WDPCP: variants seen among roughly 807,000 people sequenced by gnomAD.
WDPCP encodes the protein WD repeat containing planar cell polarity effector.
In WDPCP, 71 loss-of-function variants were observed where a neutral mutation model predicts 93.1. That is an observed-to-expected ratio of 0.76 (90% CI 0.63 to 0.93). WDPCP has a LOEUF of 0.93. Ranked by LOEUF, WDPCP falls within the 40% of genes least tolerant of loss-of-function variation. WDPCP has a pLI of 0.00. For synonymous variants in WDPCP, 315 were observed against 315.0 expected (o/e 1.00, Z 0.00); for missense variants, 844 against 887.4 (o/e 0.95, Z 0.62).
chr2:63,254,012 A>C (rs1479127016), intron 14 of WDPCP, among the ~76,000 whole-genome samples: 1 of 152,224 alleles, frequency 6.6e-6, no homozygotes, highest in South Asian at 2.1e-4. Flanking sequence ...TGAATGAAGA[A>C]AATGTAGTAT....
At chr2:63,388,769 C>T (rs182231049) in intron 10 of WDPCP, among the ~76,000 whole-genome samples, 2,793 of 151,866 alleles carry the variant, frequency 0.018, 86 homozygotes, top group African/African-American at 0.064. Flanking sequence ...CTTCAATAGC[C>T]GATTCAATCA....
At chr2:63,724,489 T>A (rs1287936353) in intron 2 of WDPCP, among the ~76,000 whole-genome samples, 1 of 152,136 alleles carries the variant, frequency 6.6e-6, no homozygotes, top group African/African-American at 2.4e-5. Flanking sequence ...TTTAAAAAAA[T>A]CACAATTCCT....
chr2:63,280,858 C>G (rs897933414), intron 13 of WDPCP, among the ~76,000 whole-genome samples: 1 of 152,066 alleles, frequency 6.6e-6, no homozygotes, highest in Admixed American at 6.6e-5. Flanking sequence ...AATCTAAGAC[C>G]TGAAACTATA....
chr2:63,709,276 C>T (rs1669224014), intron 2 of WDPCP, among the ~76,000 whole-genome samples: 1 of 151,840 alleles, frequency 6.6e-6, no homozygotes, highest in South Asian at 2.1e-4. Context: ...GATCTTGCCC[C>T]TGCACTCTAG....
At chr2:63,578,028 C>A (rs771338546) in intron 1 of WDPCP, among the ~76,000 whole-genome samples, 10 of 152,094 alleles carry the variant, frequency 6.6e-5, no homozygotes, top group Non-Finnish European at 1.0e-4. Context: ...CACAGATGTT[C>A]ACAGAAATAC....
intron 2 of WDPCP, among the ~76,000 whole-genome samples, chr2:63,795,545 G>C (rs1670602429): frequency 6.7e-6 from 1 of 150,172 alleles, no homozygotes; most frequent in Non-Finnish European, 1.5e-5. Context: ...AAGAGAAAGA[G>C]AGAGGGGGGA....
chr2:63,330,274 C>A (rs147456747), intron 12 of WDPCP, among the ~76,000 whole-genome samples: 1 of 152,260 alleles, frequency 6.6e-6, no homozygotes, highest in South Asian at 2.1e-4. Flanking sequence ...TAGTAGGTAT[C>A]GTAACAGATG....
At chr2:63,808,207 G>A (rs12612596) in intron 2 of WDPCP, among the ~76,000 whole-genome samples, 1 of 152,014 alleles carries the variant, frequency 6.6e-6, no homozygotes, top group African/African-American at 2.4e-5. Flanking sequence ...AAACTGGCAG[G>A]AGACTGAAAA....
intron 17 of WDPCP, among the ~76,000 whole-genome samples, chr2:63,129,360 T>C (rs1486018217): frequency 6.6e-6 from 1 of 152,230 alleles, no homozygotes; most frequent in Admixed American, 6.5e-5. Context: ...CCATACTGTT[T>C]TCCACAGGGG....
At chr2:63,610,283 G>T (rs1273467626) in intron 3 of WDPCP, among the ~76,000 whole-genome samples, 1 of 152,140 alleles carries the variant, frequency 6.6e-6, no homozygotes, top group African/African-American at 2.4e-5. Context: ...TCCAAAAGAG[G>T]TACAATCTGT....
At chr2:63,425,218 A>G (rs1010201179) in intron 9 of WDPCP, among the ~76,000 whole-genome samples, 1 of 152,196 alleles carries the variant, frequency 6.6e-6, no homozygotes, top group African/African-American at 2.4e-5. Context: ...AATTATATAA[A>G]AACAAAAAGC....
chr2:63,494,874 C>G (rs1331306434), intron 1 of WDPCP, among the ~76,000 whole-genome samples: 3 of 145,610 alleles, frequency 2.1e-5, no homozygotes, highest in African/African-American at 7.7e-5. Flanking sequence ...GAGCCGAGAT[C>G]GCGCCACTGC....
At chr2:63,322,430 T>C (rs905299543) in intron 12 of WDPCP, among the ~76,000 whole-genome samples, 4 of 152,148 alleles carry the variant, frequency 2.6e-5, no homozygotes, top group African/African-American at 9.7e-5. Flanking sequence ...ACTCTTTGGG[T>C]CCATGCTGCC....
intron 14 of WDPCP, among the ~76,000 whole-genome samples, chr2:63,255,014 A>G (rs1681022284): frequency 6.6e-6 from 1 of 152,192 alleles, no homozygotes; most frequent in South Asian, 2.1e-4. Flanking sequence ...CGATATTAAT[A>G]GAACAAAGGA....
chr2:63,677,245 A>C (rs1710413330), intron 2 of WDPCP, among the ~76,000 whole-genome samples: 1 of 152,220 alleles, frequency 6.6e-6, no homozygotes, highest in Non-Finnish European at 1.5e-5. Flanking sequence ...TCAGAGCAAA[A>C]GTAAATCCTC....
At chr2:63,458,521 T>A (rs1698792545) in intron 6 of WDPCP, among the ~76,000 whole-genome samples, 1 of 152,132 alleles carries the variant, frequency 6.6e-6, no homozygotes, top group Admixed American at 6.5e-5. Flanking sequence ...TACTTAGGAA[T>A]AAATTTAACT....
chr2:63,452,003 C>T (rs147869925), intron 6 of WDPCP, among the ~76,000 whole-genome samples: 6,885 of 152,212 alleles, frequency 0.045, 191 homozygotes, highest in South Asian at 0.069. Context: ...TGGGCAAAAA[C>T]GGGAAGCACT....
At chr2:63,298,497 G>A (rs1420002767) in intron 13 of WDPCP, among the ~76,000 whole-genome samples, 2 of 151,808 alleles carry the variant, frequency 1.3e-5, no homozygotes, top group Non-Finnish European at 2.9e-5. Flanking sequence ...AGCAGAAGAA[G>A]GTGGAAGAAG....
rs548172394 is a variant in WDPCP, at chr2:63,572,746, T to C, written c.75+15451A>G. On this transcript the variant is annotated intron_variant, in intron 1 of 17. Coordinates refer to ENST00000272321, the MANE Select transcript of WDPCP (RefSeq NM_015910.7). ...AAAAAAGTTGGACAGCATAAATCAC[T>C]AGCAAGAGAGTAAAGAGGGCAAAAT... is the stretch of plus-strand genomic sequence containing the variant. Among the ~76,000 whole-genome samples the C allele has an allele frequency of 7.8e-5, 9 of 115,404 alleles. No individual in the cohort carries two copies. The South Asian group carries it at 2.9e-3, about 37-fold the overall frequency. 75.7% of individuals were successfully genotyped at this position (115,404 alleles called of 152,430 possible). A position where few individuals can be genotyped will look rare whatever the true frequency, so the allele number is the denominator to read the frequency against.
Sources: gnomAD v4.1 joint callset for allele counts (sites outside exome capture counted in the v4.1 genomes callset) on GRCh38, gnomAD v4.1.1 for gene constraint, MANE v1.5 for transcripts, NCBI Gene and HGNC (gene_info 2026-07-23, HGNC 2026-07-21) for gene names.